Variants in EYS observed in about 807,000 individuals in gnomAD.
The protein encoded by EYS is protein eyes shut homolog.
A neutral mutation model predicts 282.1 loss-of-function variants in EYS; 250 were observed. The ratio of observed to expected loss-of-function variants is 0.89; its 90% CI spans 0.80 to 0.98. The LOEUF is 0.98. Ranked by LOEUF, EYS falls within the 50% of genes least tolerant of loss-of-function variation. The probability of loss-of-function intolerance (pLI) is 0.00; values close to 1 mark genes in which losing one functional copy is unlikely to be tolerated. For missense variants in EYS, 4,016 were observed against 3,709.0 expected, an observed-to-expected ratio of 1.08 and a Z score of -2.15; for synonymous variants, 1,355 against 1,282.9, an observed-to-expected ratio of 1.06 and a Z score of -1.20.
At chr6:64,606,904 T>C (rs563311425) in intron 24 of EYS, among the ~76,000 whole-genome samples, 14 of 152,086 alleles carry the variant, frequency 9.2e-5, no homozygotes, top group Non-Finnish European at 1.6e-4. Context: ...AAGCAAGATA[T>C]GCTGTGTTGT....
rs746495037 is a variant in EYS at position 64,821,639 on chromosome 6, A to T, written c.3243+6T>A. The T allele has an allele frequency of 2.9e-6, 4 of 1,398,426 alleles. No individual in the cohort carries two copies. Among genetic ancestry groups the T allele is most frequent in the Non-Finnish European group, 3.9e-6 (4 of 1,028,242 alleles). The allele number at this position is 1,398,426 out of a possible 1,614,324, so 86.6% of individuals were successfully genotyped here. A position where few individuals can be genotyped will look rare whatever the true frequency, so the allele number is the denominator to read the frequency against. ...CATATAACTTGAATAAAATTATAAG[A>T]CTTACATTAATTTTGATCTTACATT... is the stretch of plus-strand genomic sequence containing the variant. On this transcript the variant is annotated splice_donor_region_variant and intron_variant, in intron 21 of 42. Transcript: ENST00000503581.
chr6:65,276,647 AG>A (rs143990728), intron 12 of EYS, among the ~76,000 whole-genome samples: 2,017 of 152,244 alleles, frequency 0.013, 21 homozygotes, highest in Non-Finnish European at 0.021. Context: ...TGAAGGTCAA[AG>A]GAAAACAGAA....
intron 22 of EYS, among the ~76,000 whole-genome samples, chr6:64,651,960 G>C (rs1562113386): frequency 6.6e-6 from 1 of 152,068 alleles, no homozygotes; most frequent in Non-Finnish European, 1.5e-5. Flanking sequence ...CTGTTAATTG[G>C]CATACACTGG....
At position 63,783,644 on chromosome 6, in the gene EYS, A is replaced by G. The variant is rs75502518; in HGVS notation, c.7723+4461T>C. ...ACTTGGTGCTCCAAAGACTTCAGAA[A>G]GAGCTCACTCTCAATGAGTGAGCTC... On this transcript the variant is annotated intron_variant, in intron 39 of 42. Coordinates refer to ENST00000503581, the MANE Select transcript of EYS (RefSeq NM_001142800.2). Among the ~76,000 whole-genome samples, 110 of 152,360 alleles carry G rather than the reference A, an allele frequency of 7.2e-4. 2 individuals are homozygous for G. The East Asian group carries it at 0.014, about 20-fold the overall frequency.
chr6:65,377,066 T>A (rs1281113158), intron 8 of EYS, among the ~76,000 whole-genome samples: 2 of 152,120 alleles, frequency 1.3e-5, no homozygotes, highest in East Asian at 3.9e-4. Flanking sequence ...ATCAACAGAA[T>A]ATACATTTTT....
chr6:65,176,318 CT>C (rs1765223975), intron 12 of EYS, among the ~76,000 whole-genome samples: 1 of 151,510 alleles, frequency 6.6e-6, no homozygotes, highest in African/African-American at 2.4e-5. Context: ...TAAATGTATA[CT>C]TAAAACCAAC....
chr6:64,124,626 T>C (rs1157978001), intron 31 of EYS, among the ~76,000 whole-genome samples: 1 of 152,238 alleles, frequency 6.6e-6, no homozygotes. Context: ...CCATGATTTA[T>C]GAATTATTTC....
intron 29 of EYS, among the ~76,000 whole-genome samples, chr6:64,363,696 C>T (rs561797714): frequency 6.6e-6 from 1 of 151,930 alleles, no homozygotes; most frequent in South Asian, 2.1e-4. Context: ...CGTCAATCTA[C>T]CAAATAGTGT....
At chr6:65,606,078 A>C (rs1168140385) in intron 2 of EYS, among the ~76,000 whole-genome samples, 3 of 151,676 alleles carry the variant, frequency 2.0e-5, no homozygotes, top group Non-Finnish European at 4.4e-5. Flanking sequence ...AAAAACTACC[A>C]ATAGTCGCAA....
chr6:63,891,485 C>A (rs529590897), intron 35 of EYS, among the ~76,000 whole-genome samples: 77 of 152,208 alleles, frequency 5.1e-4, no homozygotes, highest in African/African-American at 1.8e-3. Flanking sequence ...ATGAAAAAAA[C>A]CACATGATTA....
At chr6:65,334,490 A>C (rs1289297785) in intron 11 of EYS, among the ~76,000 whole-genome samples, 2 of 151,706 alleles carry the variant, frequency 1.3e-5, no homozygotes, top group Non-Finnish European at 2.9e-5. Context: ...GGCTGGTCTC[A>C]AACTCTTGGC....
chr6:64,865,928 G>A (rs1766412406), intron 19 of EYS, among the ~76,000 whole-genome samples: 1 of 152,044 alleles, frequency 6.6e-6, no homozygotes, highest in African/African-American at 2.4e-5. Context: ...AAGATTTATG[G>A]TGTGGTATTT....
chr6:64,477,904 A>G (rs1157910956), intron 26 of EYS, among the ~76,000 whole-genome samples: 1 of 152,126 alleles, frequency 6.6e-6, no homozygotes, highest in East Asian at 1.9e-4. Context: ...TGTTGGCTCA[A>G]TGGGTCAAAC....
At chr6:64,707,319 T>C (rs1771056173) in intron 22 of EYS, among the ~76,000 whole-genome samples, 1 of 152,002 alleles carries the variant, frequency 6.6e-6, no homozygotes, top group African/African-American at 2.4e-5. Flanking sequence ...ATAAGAATAA[T>C]ACAATGGACT....
intron 35 of EYS, among the ~76,000 whole-genome samples, chr6:63,973,733 T>C (rs538114608): frequency 1.3e-4 from 20 of 152,272 alleles, no homozygotes; most frequent in Middle Eastern, 3.4e-3. Context: ...GGACGGTACT[T>C]GCTTAAAGCC....
intron 5 of EYS, among the ~76,000 whole-genome samples, chr6:65,477,511 A>T (rs2127251097): frequency 6.6e-6 from 1 of 152,328 alleles, no homozygotes; most frequent in East Asian, 1.9e-4. Context: ...TTAGAAGTGG[A>T]AAATTATCAC....
chr6:64,598,721 G>A (rs115632402), intron 24 of EYS, among the ~76,000 whole-genome samples: 424 of 152,232 alleles, frequency 2.8e-3, no homozygotes, highest in African/African-American at 7.7e-3. Flanking sequence ...GTAATTGTTG[G>A]AAATGAGCTG....
chr6:64,506,090 T>A (rs1014582796), intron 26 of EYS, among the ~76,000 whole-genome samples: 31 of 152,194 alleles, frequency 2.0e-4, no homozygotes, highest in Non-Finnish European at 4.1e-4. Context: ...AGACAGAAAT[T>A]ATTCTTTCAT....
At chr6:64,237,935 T>A (rs191146264) in intron 30 of EYS, among the ~76,000 whole-genome samples, 1 of 152,212 alleles carries the variant, frequency 6.6e-6, no homozygotes, top group East Asian at 1.9e-4. Context: ...GTAAAACAAA[T>A]CATACAAGGA....
Sources: gnomAD v4.1 joint callset for allele counts (sites outside exome capture counted in the v4.1 genomes callset) on GRCh38, gnomAD v4.1.1 for gene constraint, MANE v1.5 for transcripts, NCBI Gene and HGNC (gene_info 2026-07-23, HGNC 2026-07-21) for gene names.